Variants in CNTNAP2 observed in about 807,000 individuals in gnomAD.
The protein encoded by CNTNAP2 is contactin associated protein 2, also known as contactin-associated protein-like 2.
Under a neutral mutation model 155.2 loss-of-function variants are expected in CNTNAP2, and 98 were observed. The observed-to-expected ratio is 0.63, with a 90% CI of 0.54 to 0.75. The LOEUF is 0.75. Ranked by LOEUF, CNTNAP2 falls within the 30% of genes least tolerant of loss-of-function variation. The pLI, the probability that CNTNAP2 is intolerant of heterozygous loss-of-function variation, is 0.00. For missense variants in CNTNAP2, 1,727 were observed against 1,688.1 expected, an observed-to-expected ratio of 1.02 and a Z score of -0.40; for synonymous variants, 651 against 631.2, an observed-to-expected ratio of 1.03 and a Z score of -0.47.
intron 13 of CNTNAP2, among the ~76,000 whole-genome samples, chr7:147,660,904 A>G (rs1403050112): frequency 2.6e-5 from 4 of 152,160 alleles, no homozygotes; most frequent in Non-Finnish European, 5.9e-5. Flanking sequence ...ATATGGGGAT[A>G]TGGGGCAGAT....
At chr7:147,454,388 T>G (rs2116574756) in intron 10 of CNTNAP2, among the ~76,000 whole-genome samples, 1 of 152,326 alleles carries the variant, frequency 6.6e-6, no homozygotes, top group South Asian at 2.1e-4. Context: ...CATACAAGAC[T>G]TTGCTCTTTT....
intron 12 of CNTNAP2, among the ~76,000 whole-genome samples, chr7:147,633,336 A>G (rs770774068): frequency 2.0e-5 from 3 of 152,196 alleles, no homozygotes; most frequent in Non-Finnish European, 4.4e-5. Flanking sequence ...CTGGATGTCT[A>G]AACAGAAGTT....
chr7:147,743,668 T>G (rs976523571), intron 13 of CNTNAP2, among the ~76,000 whole-genome samples: 57 of 144,522 alleles, frequency 3.9e-4, no homozygotes, highest in African/African-American at 1.4e-3. Context: ...TGCCATTTTC[T>G]CCTTCCTGAC....
intron 9 of CNTNAP2, among the ~76,000 whole-genome samples, chr7:147,367,181 A>C (rs1450128350): frequency 1.3e-5 from 2 of 152,216 alleles, no homozygotes; most frequent in Non-Finnish European, 2.9e-5. Context: ...TTAAAAACCA[A>C]CTTTCTCCTG....
intron 10 of CNTNAP2, among the ~76,000 whole-genome samples, chr7:147,436,043 C>G (rs1443680766): frequency 6.6e-6 from 1 of 151,618 alleles, no homozygotes; most frequent in Admixed American, 6.6e-5. Context: ...ATCATTTAAA[C>G]GTAAACAACA....
At chr7:146,279,335 T>G (rs1800212538) in intron 1 of CNTNAP2, among the ~76,000 whole-genome samples, 1 of 152,064 alleles carries the variant, frequency 6.6e-6, no homozygotes, top group Non-Finnish European at 1.5e-5. Flanking sequence ...AAAATAAATA[T>G]GGAATAATAT....
chr7:146,926,011 C>T lies in CNTNAP2; in HGVS notation c.402+86107C>T, dbSNP rs147278815. On this transcript the variant is annotated intron_variant, in intron 3 of 23. Coordinates refer to ENST00000361727, the MANE Select transcript of CNTNAP2 (RefSeq NM_014141.6). ...GTCCAAACTGGAAGACCAGCCGTTT[C>T]ACTATTCAATTTGAAAGTATGCTTA... Among the ~76,000 whole-genome samples the T allele has an allele frequency of 4.1e-4, 63 of 152,204 alleles. 5 individuals are homozygous for T. In the East Asian group the frequency reaches 0.012, roughly 29 times the overall value.
intron 3 of CNTNAP2, among the ~76,000 whole-genome samples, chr7:146,931,648 A>G (rs1233660912): frequency 1.3e-5 from 2 of 150,438 alleles, no homozygotes; most frequent in African/African-American, 2.5e-5. Flanking sequence ...GAATCCAGGA[A>G]CTGGTTTTTT....
chr7:146,662,985 A>G (rs1800118620), intron 1 of CNTNAP2, among the ~76,000 whole-genome samples: 1 of 152,156 alleles, frequency 6.6e-6, no homozygotes, highest in African/African-American at 2.4e-5. Context: ...TAGAATAACT[A>G]CAGAAATCAG....
chr7:148,078,073 T>A (rs113663252), intron 15 of CNTNAP2, among the ~76,000 whole-genome samples: 7 of 126,288 alleles, frequency 5.5e-5, no homozygotes, highest in Admixed American at 8.8e-5. Context: ...CATTGTTTTG[T>A]TTTTTTTTTA....
chr7:148,267,672 A>G (rs1209046538), intron 21 of CNTNAP2, among the ~76,000 whole-genome samples: 1 of 149,090 alleles, frequency 6.7e-6, no homozygotes, highest in South Asian at 2.1e-4. Context: ...AAAAAAAAAA[A>G]CAACCAAACA....
At chr7:148,213,392 G>A (rs939941234) in intron 18 of CNTNAP2, among the ~76,000 whole-genome samples, 25 of 152,086 alleles carry the variant, frequency 1.6e-4, no homozygotes, top group African/African-American at 5.3e-4. Flanking sequence ...GGTTCTTGCC[G>A]GTGACACGCT....
chr7:147,291,933 C>T (rs1399163906), intron 8 of CNTNAP2, among the ~76,000 whole-genome samples: 2 of 152,092 alleles, frequency 1.3e-5, no homozygotes, highest in Non-Finnish European at 2.9e-5. Context: ...GTGACTTCTG[C>T]CCATTTTTTC....
chr7:147,136,336 G>A (rs1192873253), intron 8 of CNTNAP2, among the ~76,000 whole-genome samples: 2 of 151,904 alleles, frequency 1.3e-5, no homozygotes, highest in Non-Finnish European at 2.9e-5. Flanking sequence ...TCCTTGTTTT[G>A]TTAATGTAGG....
chr7:146,373,405 TACACACAC>T (rs3050924), intron 1 of CNTNAP2, among the ~76,000 whole-genome samples: 1 of 143,546 alleles, frequency 7.0e-6, no homozygotes, highest in Non-Finnish European at 1.6e-5. Context: ...ACTTAACACA[TACACACAC>T]ACACACACAC....
At chr7:147,402,967 A>C (rs6977588) in intron 10 of CNTNAP2, among the ~76,000 whole-genome samples, 63,960 of 145,780 alleles carry the variant, frequency 0.44, 15,506 homozygotes, top group African/African-American at 0.67. Context: ...AAAAAAAAAA[A>C]AAAACTAGTT....
chr7:146,328,943 C>T (rs1039273981), intron 1 of CNTNAP2, among the ~76,000 whole-genome samples: 36 of 152,108 alleles, frequency 2.4e-4, no homozygotes, highest in African/African-American at 5.8e-4. Flanking sequence ...CTGAAGGACA[C>T]GTAGGTTGTT....
chr7:146,491,270 C>A (rs989870354), intron 1 of CNTNAP2, among the ~76,000 whole-genome samples: 24 of 151,792 alleles, frequency 1.6e-4, no homozygotes, highest in Non-Finnish European at 3.1e-4. Flanking sequence ...CCCTTTTATC[C>A]CACACCCGTG....
At chr7:148,161,319 G>C (rs1317170932) in intron 17 of CNTNAP2, among the ~76,000 whole-genome samples, 1 of 152,134 alleles carries the variant, frequency 6.6e-6, no homozygotes, top group Non-Finnish European at 1.5e-5. Flanking sequence ...GCTGTCCTCA[G>C]AGGTCCTGTC....
Sources: allele counts gnomAD v4.1 joint callset (sites outside exome capture counted in the v4.1 genomes callset), GRCh38; gene constraint gnomAD v4.1.1; transcripts MANE v1.5; gene names NCBI Gene and HGNC (gene_info 2026-07-23, HGNC 2026-07-21).